Variants in DOCK2 observed in about 807,000 individuals in gnomAD.
DOCK2 encodes dedicator of cytokinesis 2.
In DOCK2, 87 loss-of-function variants were observed where a neutral mutation model predicts 248.9. That is an observed-to-expected ratio of 0.35 (90% CI 0.29 to 0.42). The LOEUF (loss-of-function observed/expected upper bound fraction) is 0.42, where lower values mean the gene tolerates loss of function less well. Among genes scored for constraint, DOCK2 ranks in the 10% least tolerant of loss-of-function variants. The pLI is 1.00. For synonymous variants in DOCK2, 805 were observed against 821.6 expected (o/e 0.98, Z 0.35); for missense variants, 1,747 against 2,300.2 (o/e 0.76, Z 4.92).
chr5:170,036,976 T>C (rs1356791706), intron 36 of DOCK2, among the ~76,000 whole-genome samples: 5 of 152,330 alleles, frequency 3.3e-5, no homozygotes, highest in African/African-American at 1.2e-4. Context: ...TCTGCATCCT[T>C]GTAGGCATTT....
Position 169,998,543 on chromosome 5 carries a change from T to C in DOCK2, c.3072+2379T>C, listed in dbSNP as rs181197486. On this transcript the variant is annotated intron_variant, in intron 30 of 51. Transcript: ENST00000520908. The stretch of plus-strand genomic sequence containing the variant: ...CACGAGAAGCACTTTAAGGGCATTA[T>C]CTTTTGCAGTCTTTACAGCCACCCT... Among the ~76,000 whole-genome samples the C allele has an allele frequency of 9.2e-5, 14 of 152,360 alleles. No homozygotes were observed. The East Asian group carries it at 2.7e-3, about 29-fold the overall frequency.
intron 13 of DOCK2, among the ~76,000 whole-genome samples, chr5:169,701,384 GTTTC>G (rs1256015209): frequency 6.6e-6 from 1 of 152,106 alleles, no homozygotes; most frequent in African/African-American, 2.4e-5. Flanking sequence ...CTGACTGGCT[GTTTC>G]TTTCCACATT....
intron 29 of DOCK2, among the ~76,000 whole-genome samples, chr5:169,987,778 GA>G (rs1008926491): frequency 9.9e-5 from 15 of 152,134 alleles, no homozygotes; most frequent in Non-Finnish European, 1.2e-4. Flanking sequence ...CTCCTAAATA[GA>G]AATCATAGAT....
At chr5:169,934,951 A>G (rs943916120) in intron 27 of DOCK2, 1 of 296,796 alleles carries the variant, frequency 3.4e-6, no homozygotes, top group East Asian at 9.3e-5. Context: ...TGATTGTGCT[A>G]TGCTGGATAC....
At chr5:170,027,620 C>T (rs749666794) in intron 33 of DOCK2, among the ~76,000 whole-genome samples, 30 of 152,216 alleles carry the variant, frequency 2.0e-4, no homozygotes, top group South Asian at 4.1e-4. Context: ...CCTGCACTCG[C>T]GCTCTCTCGC....
intron 27 of DOCK2, among the ~76,000 whole-genome samples, chr5:169,879,988 G>A (rs1366781054): frequency 6.6e-6 from 1 of 152,176 alleles, no homozygotes; most frequent in Non-Finnish European, 1.5e-5. Flanking sequence ...TGTTTATGAT[G>A]AATAGTTTTG....
intron 27 of DOCK2, among the ~76,000 whole-genome samples, chr5:169,893,620 C>G (rs1358789136): frequency 6.6e-6 from 1 of 152,056 alleles, no homozygotes; most frequent in Non-Finnish European, 1.5e-5. Context: ...AGAGGAATAG[C>G]TCTGTGTGTC....
intron 27 of DOCK2, among the ~76,000 whole-genome samples, chr5:169,871,798 G>A (rs1442121908): frequency 1.3e-5 from 2 of 152,200 alleles, no homozygotes; most frequent in Non-Finnish European, 2.9e-5. Context: ...GGTGCATGGG[G>A]GACGCTTTAT....
chr5:170,005,811 G>A (rs1212961701), intron 30 of DOCK2, among the ~76,000 whole-genome samples: 1 of 152,036 alleles, frequency 6.6e-6, no homozygotes, highest in African/African-American at 2.4e-5. Flanking sequence ...ATTCATTCAG[G>A]GTAGAATAGA....
Position 169,848,791 on chromosome 5 carries a change from G to A in DOCK2, c.2799+7939G>A, listed in dbSNP as rs1170482088. On this transcript the variant is annotated intron_variant, in intron 27 of 51. Coordinates refer to ENST00000520908, the MANE Select transcript of DOCK2 (RefSeq NM_004946.3). Reference sequence around the variant, plus strand: ...GCATCATAGCAGCTCCAGAAATTCAGAGCAGTTTGTTCAAAAAGAAAAAAG... The same window carrying A: ...GCATCATAGCAGCTCCAGAAATTCAAAGCAGTTTGTTCAAAAAGAAAAAAG... Among the ~76,000 whole-genome samples, 5 of 152,262 alleles carry A rather than the reference G, an allele frequency of 3.3e-5. No individual in the cohort carries two copies. The South Asian group carries it at 8.3e-4, about 25-fold the overall frequency.
intron 27 of DOCK2, among the ~76,000 whole-genome samples, chr5:169,952,178 C>T (rs1776689230): frequency 6.6e-6 from 1 of 152,182 alleles, no homozygotes; most frequent in Non-Finnish European, 1.5e-5. Context: ...GACTAAAAAT[C>T]TCTCATCTTT....
At chr5:169,700,521 A>ATTT (rs1760904173) in intron 13 of DOCK2, among the ~76,000 whole-genome samples, 1 of 129,854 alleles carries the variant, frequency 7.7e-6, no homozygotes, top group South Asian at 2.6e-4. Flanking sequence ...ATTCTCTTAT[A>ATTT]TTTTTAAGCT....
intron 27 of DOCK2, among the ~76,000 whole-genome samples, chr5:169,932,208 C>A (rs1299590397): frequency 6.6e-6 from 1 of 152,206 alleles, no homozygotes; most frequent in Non-Finnish European, 1.5e-5. Context: ...CACCTGCACA[C>A]ACACACAGAG....
At chr5:169,664,511 AC>A (rs1758613223) in intron 2 of DOCK2, among the ~76,000 whole-genome samples, 1 of 152,226 alleles carries the variant, frequency 6.6e-6, no homozygotes, top group Non-Finnish European at 1.5e-5. Flanking sequence ...ATAAAGAACT[AC>A]CCGAGACTGG....
chr5:170,079,317 G>T (rs924688549), intron 49 of DOCK2, 171 bp downstream of exon 49: 24 of 899,326 alleles, frequency 2.7e-5, no homozygotes, highest in African/African-American at 1.9e-4. Context: ...GCTTACTCGT[G>T]CCCAGGCAGC....
At chr5:170,038,416 G>A (rs1271339700) in intron 36 of DOCK2, among the ~76,000 whole-genome samples, 1 of 152,202 alleles carries the variant, frequency 6.6e-6, no homozygotes, top group Non-Finnish European at 1.5e-5. Context: ...AATCTGTTCT[G>A]TTTGGCAGGC....
At chr5:169,804,726 C>T (rs1767247196) in intron 26 of DOCK2, among the ~76,000 whole-genome samples, 1 of 152,052 alleles carries the variant, frequency 6.6e-6, no homozygotes, top group African/African-American at 2.4e-5. Flanking sequence ...GCATTCAAGG[C>T]CAAATAAATA....
intron 41 of DOCK2, among the ~76,000 whole-genome samples, chr5:170,051,864 C>T (rs1756929351): frequency 6.6e-6 from 1 of 152,060 alleles, no homozygotes; most frequent in Admixed American, 6.6e-5. Context: ...GAGAAGTAGC[C>T]AGCTCACTTG....
chr5:169,770,625 AC>A (rs1451844300), intron 25 of DOCK2, among the ~76,000 whole-genome samples: 2 of 152,186 alleles, frequency 1.3e-5, no homozygotes, highest in East Asian at 3.9e-4. Flanking sequence ...TAATCATTCC[AC>A]TGCTTTCCTT....
Sources: allele counts gnomAD v4.1 joint callset (sites outside exome capture counted in the v4.1 genomes callset), GRCh38; gene constraint gnomAD v4.1.1; transcripts MANE v1.5; gene names NCBI Gene and HGNC (gene_info 2026-07-23, HGNC 2026-07-21).